Variants in ZNF804B observed in about 807,000 individuals in gnomAD.
The protein encoded by ZNF804B is zinc finger protein 804B.
ZNF804B carries 80 observed loss-of-function variants against 101.4 expected under a neutral mutation model. The ratio of observed to expected loss-of-function variants is 0.79; its 90% confidence interval spans 0.66 to 0.95. The LOEUF is 0.95. Among genes scored for constraint, ZNF804B ranks in the 40% least tolerant of loss-of-function variants. The pLI is 0.00. For missense variants in ZNF804B, 1,673 were observed against 1,561.9 expected, an observed-to-expected ratio of 1.07 and a Z score of -1.20; for synonymous variants, 622 against 558.8, an observed-to-expected ratio of 1.11 and a Z score of -1.59.
At chr7:88,983,973 T>A (rs1793725878) in intron 1 of ZNF804B, among the ~76,000 whole-genome samples, 1 of 152,112 alleles carries the variant, frequency 6.6e-6, no homozygotes, top group South Asian at 2.1e-4. Flanking sequence ...GTTACATGTA[T>A]AATATTTTGG....
chr7:89,216,342 A>G (rs1485530916), intron 1 of ZNF804B, among the ~76,000 whole-genome samples: 1 of 152,108 alleles, frequency 6.6e-6, no homozygotes, highest in Non-Finnish European at 1.5e-5. Flanking sequence ...GAAAGAGTGG[A>G]GAAATAATGG....
Position 89,155,691 on chromosome 7 carries a change from C to G in ZNF804B, c.109-62464C>G, listed in dbSNP as rs1584020585. On this transcript the variant is annotated intron_variant, in intron 1 of 3. Coordinates refer to ENST00000333190, the MANE Select transcript of ZNF804B (RefSeq NM_181646.5). ...CCTTGCAGTTTGAACTTCAAGCACC[C>G]TGAATTCTTACCAGTTTTCGGAAGA... Among the ~76,000 whole-genome samples the G allele has an allele frequency of 2.6e-5, 4 of 152,306 alleles. No homozygotes were observed. In the South Asian group the frequency reaches 6.2e-4, roughly 24 times the overall value.
At chr7:89,332,931 G>T (rs952625850) in intron 3 of ZNF804B, among the ~76,000 whole-genome samples, 1 of 151,634 alleles carries the variant, frequency 6.6e-6, no homozygotes, top group Non-Finnish European at 1.5e-5. Flanking sequence ...GTTAGAAATA[G>T]CACATAAAAG....
At chr7:88,894,609 A>G (rs1792260319) in intron 1 of ZNF804B, among the ~76,000 whole-genome samples, 2 of 152,206 alleles carry the variant, frequency 1.3e-5, no homozygotes, top group African/African-American at 4.8e-5. Context: ...CAACCAAGAT[A>G]TCCTTCATTA....
chr7:89,258,880 A>G (rs1474583715), intron 2 of ZNF804B, among the ~76,000 whole-genome samples: 1 of 152,194 alleles, frequency 6.6e-6, no homozygotes, highest in Non-Finnish European at 1.5e-5. Flanking sequence ...TAGGCTGAGA[A>G]GGAAATAGGA....
At chr7:88,928,892 C>A (rs549354445) in intron 1 of ZNF804B, among the ~76,000 whole-genome samples, 38 of 152,090 alleles carry the variant, frequency 2.5e-4, no homozygotes, top group African/African-American at 8.7e-4. Context: ...ACAAAATCTT[C>A]TAGCTAATTC....
chr7:88,990,985 T>G (rs1187067781), intron 1 of ZNF804B, among the ~76,000 whole-genome samples: 2 of 152,136 alleles, frequency 1.3e-5, no homozygotes, highest in African/African-American at 2.4e-5. Flanking sequence ...ATTAAAGATC[T>G]AGAAAATCAC....
chr7:89,259,670 G>A (rs1353526332), intron 2 of ZNF804B, among the ~76,000 whole-genome samples: 1 of 152,078 alleles, frequency 6.6e-6, no homozygotes, highest in Admixed American at 6.6e-5. Flanking sequence ...ATGAAGTTCT[G>A]GGTGCTAGGG....
intron 1 of ZNF804B, among the ~76,000 whole-genome samples, chr7:89,157,300 A>G (rs1316895219): frequency 1.3e-5 from 2 of 152,182 alleles, no homozygotes; most frequent in Non-Finnish European, 2.9e-5. Flanking sequence ...AGAAAATGTC[A>G]AGGTCTCCTA....
chr7:89,073,211 G>A (rs376712433), intron 1 of ZNF804B, among the ~76,000 whole-genome samples: 12 of 152,234 alleles, frequency 7.9e-5, no homozygotes, highest in African/African-American at 2.9e-4. Flanking sequence ...TTTCTAATCA[G>A]TTGGTAGAAA....
chr7:89,065,661 G>T (rs889732738), intron 1 of ZNF804B, among the ~76,000 whole-genome samples: 3 of 152,052 alleles, frequency 2.0e-5, no homozygotes, highest in Non-Finnish European at 4.4e-5. Flanking sequence ...GTGTTGGCAG[G>T]CCTGTGTTTC....
intron 1 of ZNF804B, among the ~76,000 whole-genome samples, chr7:89,168,093 C>T (rs2116429198): frequency 6.6e-6 from 1 of 152,042 alleles, no homozygotes; most frequent in Admixed American, 6.6e-5. Flanking sequence ...GCAAAGAAAG[C>T]CTTATCCACA....
intron 1 of ZNF804B, among the ~76,000 whole-genome samples, chr7:88,930,892 A>C (rs1792875062): frequency 6.6e-6 from 1 of 151,934 alleles, no homozygotes; most frequent in Non-Finnish European, 1.5e-5. Flanking sequence ...GAGAGCTATC[A>C]AATGATTTTT....
At chr7:89,015,085 C>T (rs1458278801) in intron 1 of ZNF804B, among the ~76,000 whole-genome samples, 1 of 152,008 alleles carries the variant, frequency 6.6e-6, no homozygotes, top group Non-Finnish European at 1.5e-5. Flanking sequence ...CAAGTGTTCC[C>T]AGAACAACTT....
intron 1 of ZNF804B, among the ~76,000 whole-genome samples, chr7:88,924,067 A>G (rs900981552): frequency 6.6e-6 from 1 of 152,066 alleles, no homozygotes; most frequent in Non-Finnish European, 1.5e-5. Flanking sequence ...TCTCCAGGAT[A>G]GAGTTCCGAG....
chr7:89,196,019 C>T (rs968582141), intron 1 of ZNF804B, among the ~76,000 whole-genome samples: 1 of 152,038 alleles, frequency 6.6e-6, no homozygotes, highest in Non-Finnish European at 1.5e-5. Context: ...CATTAAACTA[C>T]CATCGACATT....
intron 2 of ZNF804B, among the ~76,000 whole-genome samples, chr7:89,279,841 T>C (rs1202920216): frequency 6.6e-6 from 1 of 152,086 alleles, no homozygotes; most frequent in Non-Finnish European, 1.5e-5. Context: ...TGCCAGGCTT[T>C]GGTATCAGGG....
intron 1 of ZNF804B, among the ~76,000 whole-genome samples, chr7:88,872,601 C>G (rs528335804): frequency 7.4e-4 from 113 of 152,038 alleles, no homozygotes; most frequent in Admixed American, 3.9e-3. Context: ...GTATATCTCC[C>G]AATGCCATCC....
At chr7:88,904,090 A>G (rs1440949119) in intron 1 of ZNF804B, among the ~76,000 whole-genome samples, 3 of 152,102 alleles carry the variant, frequency 2.0e-5, no homozygotes, top group Non-Finnish European at 4.4e-5. Flanking sequence ...TTGAGGTCTT[A>G]TATTTAAATC....
Sources: allele counts gnomAD v4.1 joint callset (sites outside exome capture counted in the v4.1 genomes callset), GRCh38; gene constraint gnomAD v4.1.1; transcripts MANE v1.5; gene names NCBI Gene and HGNC (gene_info 2026-07-23, HGNC 2026-07-21).